The following PKHD1L1 variants were observed in gnomAD, a reference collection of about 807,000 sequenced individuals.
PKHD1L1 encodes fibrocystin-L.
A neutral mutation model predicts 462.9 loss-of-function variants in PKHD1L1; 434 were observed. That is an observed-to-expected ratio of 0.94 (90% CI 0.87 to 1.02). The LOEUF is 1.02. Among genes scored for constraint, PKHD1L1 ranks in the 50% least tolerant of loss-of-function variants. The pLI is 0.00. For missense variants in PKHD1L1, 5,202 were observed against 5,096.1 expected, an observed-to-expected ratio of 1.02 and a Z score of -0.63; for synonymous variants, 1,781 against 1,750.0, an observed-to-expected ratio of 1.02 and a Z score of -0.44.
chr8:109,429,262 G>A, intron 25 of PKHD1L1, 78 bp from the exon 26 acceptor site: 1 of 1,231,798 alleles, frequency 8.1e-7, no homozygotes, highest in Non-Finnish European at 1.1e-6. Context: ...CTTTGCCTAT[G>A]CTGAAATTTA....
chr8:109,413,618 T>C, intron 21 of PKHD1L1, 73 bp downstream of exon 21: 1 of 1,251,328 alleles, frequency 8.0e-7, no homozygotes, highest in Middle Eastern at 2.0e-4. Context: ...ACAAATCCAT[T>C]TCTTGGGGTT....
intron 14 of PKHD1L1, among the ~76,000 whole-genome samples, chr8:109,403,018 T>A (rs1288375248): frequency 1.3e-5 from 2 of 152,166 alleles, no homozygotes; most frequent in Non-Finnish European, 2.9e-5. Flanking sequence ...TAATCCCTAC[T>A]GCAATTAAGT....
chr8:109,507,797 A>C lies in PKHD1L1; in HGVS notation c.11129A>C (p.Asn3710Thr). Residue 3710 changes from asparagine (N) to threonine (T), a missense_variant, in exon 69 of 78, where the codon AAC (asparagine) becomes ACC (threonine). Physicochemically the swap from Asn to Thr is moderately conservative, Grantham distance 65. Around this residue, in one of 3 missense-constraint regions of PKHD1L1, gnomAD observed 698 missense variants for 736.3 expected, o/e 0.95. Coordinates refer to ENST00000378402, the MANE Select transcript of PKHD1L1 (RefSeq NM_177531.6). ...CAAGCAGAATATGAATGGGACGGAAACAGCCAAGTAGGAATTGGAGACTAC... is the reference window on the plus strand; with the variant it reads ...CAAGCAGAATATGAATGGGACGGAACCAGCCAAGTAGGAATTGGAGACTAC... Reference protein sequence around the residue: ...IPQAEYEWDGNSQVGIGDYRI... With the variant: ...IPQAEYEWDGTSQVGIGDYRI... The C allele has an allele frequency of 6.2e-7, 1 of 1,613,550 alleles. No individual in the cohort carries two copies.
intron 77 of PKHD1L1, among the ~76,000 whole-genome samples, chr8:109,529,722 G>T (rs1018760290): frequency 3.9e-5 from 6 of 152,000 alleles, no homozygotes; most frequent in Non-Finnish European, 8.8e-5. Flanking sequence ...TAGAATATAA[G>T]AAATTTAAAC....
At chr8:109,455,584 T>C (rs1008992832) in intron 45 of PKHD1L1, among the ~76,000 whole-genome samples, 11 of 152,162 alleles carry the variant, frequency 7.2e-5, no homozygotes, top group Non-Finnish European at 1.3e-4. Flanking sequence ...TTCTTAAATT[T>C]GTATCTGAAA....
chr8:109,478,504 G>A (rs1486738637), intron 53 of PKHD1L1, among the ~76,000 whole-genome samples: 1 of 152,046 alleles, frequency 6.6e-6, no homozygotes, highest in Non-Finnish European at 1.5e-5. Context: ...TGGGTGGGGT[G>A]GTTAGGAACA....
At chr8:109,453,041 G>T (rs1816626435) in intron 43 of PKHD1L1, among the ~76,000 whole-genome samples, 167 bp downstream of exon 43, 1 of 152,100 alleles carries the variant, frequency 6.6e-6, no homozygotes, top group Non-Finnish European at 1.5e-5. Context: ...TTGTGATTAT[G>T]ATATTATTTA....
intron 2 of PKHD1L1, among the ~76,000 whole-genome samples, chr8:109,365,298 A>G (rs1053512930): frequency 6.6e-6 from 1 of 152,206 alleles, no homozygotes; most frequent in East Asian, 1.9e-4. Context: ...TTTGAACAAT[A>G]AGAAACATTT....
At chr8:109,411,435 A>T (rs961620012) in intron 19 of PKHD1L1, among the ~76,000 whole-genome samples, 3 of 152,206 alleles carry the variant, frequency 2.0e-5, no homozygotes, top group African/African-American at 7.2e-5. Context: ...GTGAGAAAAA[A>T]TCTTTCCATT....
intron 37 of PKHD1L1, 25 bp downstream of exon 37, chr8:109,443,927 T>A: frequency 6.6e-7 from 1 of 1,525,128 alleles, no homozygotes. Flanking sequence ...ACCTCCTTTG[T>A]ACTTCTATTA....
chr8:109,481,306 T>A lies in PKHD1L1; in HGVS notation c.9328-127T>A, dbSNP rs905271606. The A allele has an allele frequency of 3.9e-5, 32 of 815,378 alleles. No homozygotes were observed. In the African/African-American group the frequency reaches 5.3e-4, roughly 14 times the overall value. 50.5% of individuals were successfully genotyped at this position (815,378 alleles called of 1,614,324 possible). A position where few individuals can be genotyped will look rare whatever the true frequency, so the allele number is the denominator to read the frequency against. ...TTAAAGTCACTTCCAGTTATAATGC[T>A]GTTCTTTATATAACAAAACTCATTC... On this transcript the variant is annotated intron_variant, in intron 55 of 77. Coordinates refer to ENST00000378402, the MANE Select transcript of PKHD1L1 (RefSeq NM_177531.6).
chr8:109,370,472 T>C (rs1811444542), intron 2 of PKHD1L1, among the ~76,000 whole-genome samples: 1 of 151,634 alleles, frequency 6.6e-6, no homozygotes, highest in South Asian at 2.1e-4. Flanking sequence ...GATTTTTTCT[T>C]ATATTTTATT....
chr8:109,388,392 T>A (rs1422277125), intron 6 of PKHD1L1, 105 bp from the exon 7 acceptor site: 3 of 791,258 alleles, frequency 3.8e-6, no homozygotes. Context: ...AATAAGTGAT[T>A]GAGAAAAAAA....
chr8:109,448,061 T>C (rs1816252573), intron 38 of PKHD1L1, 82 bp from the exon 39 acceptor site: 17 of 1,245,098 alleles, frequency 1.4e-5, no homozygotes, highest in Non-Finnish European at 1.7e-5. Context: ...CTTTTATTTG[T>C]AAAAGTAAAG....
At chr8:109,506,283 T>C (rs142339539) in intron 68 of PKHD1L1, among the ~76,000 whole-genome samples, 2 of 152,236 alleles carry the variant, frequency 1.3e-5, no homozygotes, top group African/African-American at 4.8e-5. Context: ...AGAACTTTGC[T>C]CTTAGCCAAA....
Position 109,429,064 on chromosome 8 carries a change from T to C in PKHD1L1, c.3001-276T>C, listed in dbSNP as rs189012312. On this transcript the variant is annotated intron_variant, in intron 25 of 77. Transcript: ENST00000378402. ...TAGATTCATTTTTAGATTTATTTTT[T>C]AATTATAAAAATTCAAGTTAATTTT... 3.3e-5 allele frequency among the ~76,000 whole-genome samples: 5 copies of C among 152,304 alleles called. No individual in the cohort carries two copies. The East Asian group carries it at 9.6e-4, about 29-fold the overall frequency.
rs754927968 is a variant in PKHD1L1, at chr8:109,442,047, T to G, written c.4245T>G (p.Asn1415Lys). 6.2e-7 allele frequency: 1 copy of G among 1,613,074 alleles called. No homozygotes were observed. Among genetic ancestry groups the G allele is most frequent in the East Asian group, 2.2e-5 (1 of 44,866 alleles). The change falls in exon 35 of 78, where the codon AAT becomes AAG. Residue 1415 changes from asparagine to lysine, a missense_variant. Coordinates refer to ENST00000378402, the MANE Select transcript of PKHD1L1 (RefSeq NM_177531.6). ...LGYAWSPPVL[N>K]VSVGDTVAWH... ...ATGCCTGGTCACCACCAGTCCTAAATGTGTCTGTGGGGGACACAGTGGCAT... is the reference window on the plus strand; with the variant it reads ...ATGCCTGGTCACCACCAGTCCTAAAGGTGTCTGTGGGGGACACAGTGGCAT...
chr8:109,383,210 T>C (rs1812242049), intron 4 of PKHD1L1, among the ~76,000 whole-genome samples: 2 of 85,672 alleles, frequency 2.3e-5, no homozygotes, highest in Middle Eastern at 5.3e-3. Context: ...ATATATTATA[T>C]AATATAATTA....
In PKHD1L1 at chr8:109,413,556, C is replaced by T; in HGVS notation, c.2360+11C>T. 1.3e-6 allele frequency: 2 copies of T among 1,494,088 alleles called. No individual in the cohort carries two copies. The highest frequency in any genetic ancestry group is 1.4e-5 in the South Asian group (1 of 70,354). The allele number at this position is 1,494,088 out of a possible 1,614,324, so 92.6% of individuals were successfully genotyped here. ...TGCTTATGGAAACAAGTAAGTTACG[C>T]TATGAATTTGAAAATTACATTATAC... On this transcript the variant is annotated intron_variant, in intron 21 of 77. Transcript: ENST00000378402.
Sources: gnomAD v4.1 joint callset for allele counts (sites outside exome capture counted in the v4.1 genomes callset) on GRCh38, gnomAD v4.1.1 for gene constraint, gnomAD v4.1.1 regional missense constraint, MANE v1.5 for transcripts, NCBI Gene and HGNC (gene_info 2026-07-23, HGNC 2026-07-21) for gene names.